MTMR3: variants seen among roughly 807,000 people sequenced by gnomAD.
The protein encoded by MTMR3 is phosphatidylinositol-3,5-bisphosphate 3-phosphatase MTMR3.
MTMR3 carries 32 observed loss-of-function variants against 132.4 expected under a neutral mutation model. The ratio of observed to expected loss-of-function variants is 0.24; its 90% CI spans 0.18 to 0.32. MTMR3 has a LOEUF of 0.32. Ranked by LOEUF, MTMR3 falls within the 10% of genes least tolerant of loss-of-function variation. The pLI is 1.00. For synonymous variants in MTMR3, 556 were observed against 550.3 expected (o/e 1.01, Z -0.14); for missense variants, 1,216 against 1,489.6 (o/e 0.82, Z 3.02).
intron 12 of MTMR3, 119 bp from the exon 13 acceptor site, chr22:30,012,249 C>A: frequency 9.1e-7 from 1 of 1,096,562 alleles, no homozygotes; most frequent in Non-Finnish European, 1.3e-6. Context: ...TTTGTTTTGG[C>A]AGTGTTATAT....
intron 10 of MTMR3, chr22:30,007,626 A>C: frequency 1.8e-6 from 1 of 558,670 alleles, no homozygotes; most frequent in Non-Finnish European, 3.2e-6. Context: ...GGCTTCATGA[A>C]AGGACAACAG....
intron 2 of MTMR3, among the ~76,000 whole-genome samples, chr22:29,963,363 A>T (rs2066351504): frequency 6.7e-6 from 1 of 149,900 alleles, no homozygotes; most frequent in Admixed American, 6.6e-5. Context: ...GATTATAGGC[A>T]TGAGCCACTG....
intron 3 of MTMR3, 67 bp from the exon 4 acceptor site, chr22:29,978,374 AT>A: frequency 8.3e-7 from 1 of 1,198,988 alleles, no homozygotes; most frequent in Non-Finnish European, 1.2e-6. Flanking sequence ...GCTAGCAGAT[AT>A]GGCAGAAAAA....
intron 11 of MTMR3, 23 bp downstream of exon 11, chr22:30,008,055 C>T (rs1310202869): frequency 1.2e-6 from 2 of 1,608,706 alleles, no homozygotes; most frequent in African/African-American, 2.7e-5. Flanking sequence ...GTGCTTTGTT[C>T]CCCATACTTT....
chr22:29,914,308 T>TAG (rs909340932), intron 1 of MTMR3, among the ~76,000 whole-genome samples: 21 of 152,220 alleles, frequency 1.4e-4, no homozygotes, highest in African/African-American at 4.8e-4. Context: ...AGTGGGTCTG[T>TAG]AGCAATACAT....
intron 1 of MTMR3, among the ~76,000 whole-genome samples, chr22:29,906,382 A>G (rs772123257): frequency 2.0e-5 from 3 of 151,720 alleles, no homozygotes; most frequent in Non-Finnish European, 4.4e-5. Flanking sequence ...CCCAGGCTGG[A>G]GTGCAGTGGT....
intron 16 of MTMR3, chr22:30,018,712 T>C (rs1301762345): frequency 6.6e-6 from 1 of 151,254 alleles, no homozygotes; most frequent in Non-Finnish European, 1.5e-5. Context: ...CACTCCAGCC[T>C]GGATGACAGG....
intron 1 of MTMR3, among the ~76,000 whole-genome samples, chr22:29,952,138 G>A (rs930135708): frequency 3.9e-5 from 6 of 152,018 alleles, no homozygotes; most frequent in African/African-American, 7.2e-5. Context: ...CCATCTACCC[G>A]CCTTGAGTAA....
chr22:29,965,616 C>G (rs945630624), intron 2 of MTMR3, among the ~76,000 whole-genome samples: 33 of 152,276 alleles, frequency 2.2e-4, no homozygotes, highest in African/African-American at 7.9e-4. Context: ...ATCCGGGAGG[C>G]AGAGGTTGCA....
intron 1 of MTMR3, among the ~76,000 whole-genome samples, chr22:29,935,994 C>T (rs990376186): frequency 4.0e-5 from 6 of 151,182 alleles, no homozygotes; most frequent in South Asian, 4.2e-4. Context: ...CCTCATGATC[C>T]GCCCTCTTTG....
intron 1 of MTMR3, among the ~76,000 whole-genome samples, chr22:29,937,697 A>G (rs1441608421): frequency 6.6e-6 from 1 of 152,196 alleles, no homozygotes; most frequent in Non-Finnish European, 1.5e-5. Flanking sequence ...TTTCGTAGGG[A>G]GTATATATTC....
At chr22:29,951,617 G>A (rs371782594) in intron 1 of MTMR3, among the ~76,000 whole-genome samples, 5 of 152,254 alleles carry the variant, frequency 3.3e-5, no homozygotes, top group African/African-American at 9.6e-5. Flanking sequence ...AAATGAAGAC[G>A]AGTGATTTTT....
intron 19 of MTMR3, chr22:30,023,811 T>C (rs887573302): frequency 4.3e-5 from 15 of 349,024 alleles, no homozygotes; most frequent in African/African-American, 2.5e-4. Flanking sequence ...CAGTGATTCA[T>C]TGAGATGCCA....
chr22:30,025,543 C>A (rs759949923), intron 19 of MTMR3, 87 bp from the exon 20 acceptor site: 3 of 1,406,788 alleles, frequency 2.1e-6, no homozygotes, highest in Non-Finnish European at 3.0e-6. Context: ...GCAAATTACA[C>A]ACGGCAAAGT....
rs2066768295 is a variant in MTMR3, at chr22:29,982,452, T to A, written c.210+3400T>A. 2 of 152,052 alleles carry A rather than the reference T, an allele frequency of 1.3e-5. 1 individual carries two copies. Among genetic ancestry groups the A allele is most frequent in the Non-Finnish European group, 2.9e-5 (2 of 68,026 alleles). The allele number at this position is 152,052 out of a possible 1,614,324, so 9.4% of individuals were successfully genotyped here. On this transcript the variant is annotated intron_variant, in intron 5 of 19. Transcript: ENST00000401950. Reference sequence around the variant, plus strand: ...AGCAAATAAGTATTTCAATAAAATATGTGTATTTCAATAAAATGTTAGATC... The same window carrying A: ...AGCAAATAAGTATTTCAATAAAATAAGTGTATTTCAATAAAATGTTAGATC...
At chr22:29,938,653 GTC>G (rs1353868020) in intron 1 of MTMR3, among the ~76,000 whole-genome samples, 2 of 152,108 alleles carry the variant, frequency 1.3e-5, no homozygotes, top group Non-Finnish European at 2.9e-5. Flanking sequence ...CGAAATCTGA[GTC>G]TCTGATGTGG....
chr22:29,974,978 T>C (rs2066602747), intron 3 of MTMR3, among the ~76,000 whole-genome samples: 1 of 152,214 alleles, frequency 6.6e-6, no homozygotes, highest in Non-Finnish European at 1.5e-5. Flanking sequence ...TTTGGTCTCT[T>C]TTTTTGGAGA....
Position 30,020,478 on chromosome 22 carries a change from A to C in MTMR3, c.2819A>C (p.Glu940Ala). 3 of 1,614,186 alleles carry C rather than the reference A, an allele frequency of 1.9e-6. No individual in the cohort carries two copies. Among genetic ancestry groups the C allele is most frequent in the Non-Finnish European group, 2.5e-6 (3 of 1,180,034 alleles). Residue 940 changes from glutamate to alanine, a missense_variant, in exon 17 of 20, where the codon GAG (glutamate) becomes GCG (alanine). By Grantham distance (107) the Glu-to-Ala change is moderately radical. Around this residue, in one of 7 missense-constraint regions of MTMR3, gnomAD observed 852 missense variants for 852.0 expected, o/e 1.00. Coordinates refer to ENST00000401950, the MANE Select transcript of MTMR3 (RefSeq NM_021090.4). ...GAPETENRAS[E>A]QPPGLSTLQM... is the part of the protein sequence containing the mutation. ...CCAGAGACTGAAAACAGGGCCTCAG[A>C]GCAGCCCCCAGGTCTTAGCACCCTC... is the stretch of plus-strand genomic sequence containing the variant.
intron 1 of MTMR3, among the ~76,000 whole-genome samples, chr22:29,896,867 T>TCACACACACA (rs1491465662): frequency 4.4e-4 from 16 of 36,724 alleles, no homozygotes; most frequent in African/African-American, 4.8e-4. Flanking sequence ...AACAGGCTTG[T>TCACACACACA]CTCACACACA....
Sources: allele counts gnomAD v4.1 joint callset (sites outside exome capture counted in the v4.1 genomes callset), GRCh38; gene constraint gnomAD v4.1.1; regional missense constraint gnomAD v4.1.1; transcripts MANE v1.5; gene names NCBI Gene and HGNC (gene_info 2026-07-23, HGNC 2026-07-21).